Variants in EP300 observed in about 807,000 individuals in gnomAD.
EP300 encodes the protein histone acetyltransferase p300.
Under a neutral mutation model 264.0 loss-of-function variants are expected in EP300, and 31 were observed. The ratio of observed to expected loss-of-function variants is 0.12; its 90% CI spans 0.09 to 0.16. The LOEUF (loss-of-function observed/expected upper bound fraction) is 0.16, where lower values mean the gene tolerates loss of function less well. EP300 is among the 10% of genes least tolerant of loss of function. The pLI, the probability that EP300 is intolerant of heterozygous loss-of-function variation, is 1.00. For synonymous variants in EP300, 1,340 were observed against 1,045.4 expected (o/e 1.28, Z -5.44); for missense variants, 2,766 against 3,052.9 (o/e 0.91, Z 2.21).
rs766451204 is a variant in EP300 at position 41,151,883 on chromosome 22, T to C, written c.2868T>C (p.Ser956=). Reference sequence around the variant, plus strand: ...AAGGACAGGTATCAAATCCTCCATCTACTAGTAGCACAGAAGTGAATTCTC... The same window carrying C: ...AAGGACAGGTATCAAATCCTCCATCCACTAGTAGCACAGAAGTGAATTCTC... ...SIEGQVSNPP[S]TSSTEVNSQA... is the part of the protein sequence containing the mutation. Residue 956 remains serine (S), a synonymous_variant, in exon 15 of 31, where the codon TCT becomes TCC. Transcript: ENST00000263253. The C allele has an allele frequency of 2.5e-6, 4 of 1,614,092 alleles. No individual in the cohort carries two copies. Among genetic ancestry groups the C allele is most frequent in the Non-Finnish European group, 3.4e-6 (4 of 1,179,982 alleles).
chr22:41,139,425 A>C (rs1382785371), intron 8 of EP300, among the ~76,000 whole-genome samples: 1 of 152,294 alleles, frequency 6.6e-6, no homozygotes, highest in East Asian at 1.9e-4. Context: ...TGATCATTTG[A>C]CTTTACGTTA....
intron 22 of EP300, among the ~76,000 whole-genome samples, chr22:41,165,612 A>G (rs960905634): frequency 2.6e-5 from 4 of 151,924 alleles, no homozygotes; most frequent in Admixed American, 6.6e-5. Context: ...TGGTAGAGAC[A>G]GGGTTTCATC....
intron 10 of EP300, chr22:41,146,494 T>C: frequency 2.0e-6 from 1 of 508,320 alleles, no homozygotes; most frequent in Non-Finnish European, 3.5e-6. Flanking sequence ...CTTATTTTTC[T>C]ATCAACATTG....
chr22:41,096,866 G>A lies in EP300; in HGVS notation c.94+3768G>A, dbSNP rs142866313. ...ACTCCTGACCTCAGGTGATCCACCC[G>A]CCTCAGCCTCCCAAAGTGCTGGGAA... On this transcript the variant is annotated intron_variant, in intron 1 of 30. Coordinates refer to ENST00000263253, the MANE Select transcript of EP300 (RefSeq NM_001429.4). Among the ~76,000 whole-genome samples, 23 of 152,098 alleles carry A rather than the reference G, an allele frequency of 1.5e-4. No individual in the cohort carries two copies. In the East Asian group the frequency reaches 2.1e-3, roughly 14 times the overall value.
At chr22:41,148,757 G>A in intron 12 of EP300, 1 of 485,694 alleles carries the variant, frequency 2.1e-6, no homozygotes. Flanking sequence ...CTATCCTTGT[G>A]CTAGGCATAT....
chr22:41,155,353 T>G (rs147685938), intron 17 of EP300, among the ~76,000 whole-genome samples: 3 of 152,084 alleles, frequency 2.0e-5, no homozygotes, highest in Non-Finnish European at 2.9e-5. Context: ...CTCAGCATCC[T>G]GAGTAGCTGG....
intron 1 of EP300, among the ~76,000 whole-genome samples, chr22:41,103,180 G>A (rs774737618): frequency 6.6e-6 from 1 of 152,140 alleles, no homozygotes; most frequent in Non-Finnish European, 1.5e-5. Context: ...GGGGAGCATA[G>A]GAAGCATAGT....
intron 1 of EP300, among the ~76,000 whole-genome samples, chr22:41,116,052 C>G (rs2145694953): frequency 6.6e-6 from 1 of 151,644 alleles, no homozygotes; most frequent in Non-Finnish European, 1.5e-5. Context: ...TTCTAAGGAA[C>G]TTGGGAATAT....
intron 23 of EP300, among the ~76,000 whole-genome samples, chr22:41,167,576 GTGTGTGTGTATATATATATATATATATA>G (rs1412293536): frequency 4.4e-4 from 13 of 29,538 alleles, no homozygotes; most frequent in African/African-American, 1.5e-3. Context: ...GTGTGTGTGT[GTGTGTGTGTATATATATATATATATATA>G]TATATATATA....
At chr22:41,128,628 C>T (rs2058897254) in intron 4 of EP300, among the ~76,000 whole-genome samples, 1 of 152,116 alleles carries the variant, frequency 6.6e-6, no homozygotes, top group Non-Finnish European at 1.5e-5. Flanking sequence ...CCGCCTCAGC[C>T]TCCCAAGTAA....
intron 25 of EP300, 24 bp downstream of exon 25, chr22:41,168,891 G>A (rs2145764082): frequency 6.2e-7 from 1 of 1,614,190 alleles, no homozygotes. Context: ...ACAGTGGCTA[G>A]CTCCGGATTT....
In EP300 at chr22:41,177,043, G is replaced by T; in HGVS notation, c.5332G>T (p.Gly1778Trp). The T allele has an allele frequency of 6.2e-7, 1 of 1,614,120 alleles. No homozygotes were observed. The highest frequency in any genetic ancestry group is 8.5e-7 in the Non-Finnish European group (1 of 1,180,032). ...TKGCKRKTNG[G>W]CPICKQLIAL... ...GGGTTGCAAACGGAAAACCAATGGCGGGTGCCCCATCTGCAAGCAGCTCAT... is the reference window on the plus strand; with the variant it reads ...GGGTTGCAAACGGAAAACCAATGGCTGGTGCCCCATCTGCAAGCAGCTCAT... The change falls in exon 31 of 31, where the codon GGG becomes TGG. Residue 1778 changes from glycine (G) to tryptophan (W), a missense_variant. Physicochemically the swap from Gly to Trp is radical, Grantham distance 184. Transcript: ENST00000263253.
chr22:41,167,826 G>GTTTTTTTTTTTTTTTTTTTTT (rs1192332279), intron 23 of EP300, among the ~76,000 whole-genome samples: 20 of 32,178 alleles, frequency 6.2e-4, no homozygotes, highest in South Asian at 1.7e-3. Flanking sequence ...TTTTTTTTTT[G>GTTTTTTTTTTTTTTTTTTTTT]TTTTTTTTTT....
At chr22:41,141,807 G>T (rs777597091) in intron 10 of EP300, among the ~76,000 whole-genome samples, 3 of 151,994 alleles carry the variant, frequency 2.0e-5, no homozygotes, top group Non-Finnish European at 4.4e-5. Flanking sequence ...CTTCCGAGTA[G>T]CTGGGATTAC....
rs774868272 is a variant in EP300 at position 41,126,052 on chromosome 22, T to C, written c.906+12T>C. 6.2e-7 allele frequency: 1 copy of C among 1,613,648 alleles called. No individual in the cohort carries two copies. The highest frequency in any genetic ancestry group is 8.5e-7 in the Non-Finnish European group (1 of 1,179,576). On this transcript the variant is annotated intron_variant, in intron 3 of 30. Coordinates refer to ENST00000263253, the MANE Select transcript of EP300 (RefSeq NM_001429.4). ...GAATGCCCAACATGGTGAGTACTAA[T>C]CCATTACAGACTTGTTTTCAAACTG...
Position 41,130,018 on chromosome 22 carries a change from C to A in EP300, c.1282+15C>A, listed in dbSNP as rs2145713846. ...AAATCAACAGCGTAAGTGATGAAAT[C>A]TTTTGAAGGTTTATATGAAAAGTTT... On this transcript the variant is annotated intron_variant, in intron 5 of 30. Coordinates refer to ENST00000263253, the MANE Select transcript of EP300 (RefSeq NM_001429.4). 6.3e-7 allele frequency: 1 copy of A among 1,593,818 alleles called. No individual in the cohort carries two copies. Among genetic ancestry groups the A allele is most frequent in the Non-Finnish European group, 8.6e-7 (1 of 1,162,040 alleles).
chr22:41,158,452 A>G lies in EP300; in HGVS notation c.3542A>G (p.Gln1181Arg), dbSNP rs2145749622. 6.2e-7 allele frequency: 1 copy of G among 1,614,232 alleles called. No homozygotes were observed. The highest frequency in any genetic ancestry group is 2.2e-5 in the East Asian group (1 of 44,892). Reference sequence around the variant, plus strand: ...CAGACACTGTGTTGCTACGGCAAACAGTTGTGCACAATACCTCGTGATGCC... The same window carrying G: ...CAGACACTGTGTTGCTACGGCAAACGGTTGTGCACAATACCTCGTGATGCC... ...SPQTLCCYGK[Q>R]LCTIPRDATY... The change falls in exon 19 of 31, where the codon CAG becomes CGG. Residue 1181 changes from glutamine to arginine, a missense_variant. Gln to Arg is a conservative substitution (Grantham distance 43). Coordinates refer to ENST00000263253, the MANE Select transcript of EP300 (RefSeq NM_001429.4).
chr22:41,122,170 T>G (rs1246941270), intron 2 of EP300, among the ~76,000 whole-genome samples: 3 of 145,480 alleles, frequency 2.1e-5, no homozygotes, highest in African/African-American at 7.6e-5. Context: ...TTTTTTTTTT[T>G]TTTTTTTTTT....
chr22:41,105,546 A>G (rs1040505879), intron 1 of EP300, among the ~76,000 whole-genome samples: 1 of 151,562 alleles, frequency 6.6e-6, no homozygotes, highest in African/African-American at 2.4e-5. Flanking sequence ...CTATAGGCAC[A>G]TGCCACCACA....
Sources: allele counts gnomAD v4.1 joint callset (sites outside exome capture counted in the v4.1 genomes callset), GRCh38; gene constraint gnomAD v4.1.1; transcripts MANE v1.5; gene names NCBI Gene and HGNC (gene_info 2026-07-23, HGNC 2026-07-21).